Variants in MAPKAPK5 observed in about 807,000 individuals in gnomAD.
MAPKAPK5 encodes MAPK activated protein kinase 5, also known as MAP kinase-activated protein kinase 5.
A neutral mutation model predicts 65.1 loss-of-function variants in MAPKAPK5; 30 were observed. The ratio of observed to expected loss-of-function variants is 0.46; its 90% CI spans 0.34 to 0.63. The LOEUF (loss-of-function observed/expected upper bound fraction) is 0.63, where lower values mean the gene tolerates loss of function less well. Among genes scored for constraint, MAPKAPK5 ranks in the 20% least tolerant of loss-of-function variants. The probability of loss-of-function intolerance (pLI) is 0.01; values close to 1 mark genes in which losing one functional copy is unlikely to be tolerated. For missense variants in MAPKAPK5, 433 were observed against 581.4 expected (o/e 0.74, Z 2.63); for synonymous variants, 179 against 204.6 (o/e 0.87, Z 1.07).
chr12:111,890,180 C>T, intron 13 of MAPKAPK5, 36 bp downstream of exon 13: 2 of 1,402,986 alleles, frequency 1.4e-6, no homozygotes, highest in East Asian at 2.4e-5. Flanking sequence ...CCCAGGAATG[C>T]AGACAAGTGA....
chr12:111,868,935 A>G, intron 5 of MAPKAPK5, 74 bp downstream of exon 5: 1 of 1,127,418 alleles, frequency 8.9e-7, no homozygotes, highest in South Asian at 1.4e-5. Context: ...GGGGGGAAGA[A>G]AAGAAAACTT....
chr12:111,869,909 T>A (rs1181740477), intron 5 of MAPKAPK5, among the ~76,000 whole-genome samples: 1 of 152,234 alleles, frequency 6.6e-6, no homozygotes, highest in African/African-American at 2.4e-5. Flanking sequence ...GAACTGCGCC[T>A]GCTGACCATT....
intron 1 of MAPKAPK5, among the ~76,000 whole-genome samples, chr12:111,855,551 A>G (rs1196505422): frequency 6.6e-6 from 1 of 152,124 alleles, no homozygotes; most frequent in Non-Finnish European, 1.5e-5. Flanking sequence ...TGTTTAGGCC[A>G]GGTGCAGTGG....
intron 13 of MAPKAPK5, 34 bp from the exon 14 acceptor site, chr12:111,892,933 T>C (rs1301192588): frequency 2.0e-6 from 3 of 1,491,258 alleles, no homozygotes; most frequent in South Asian, 2.5e-5. Flanking sequence ...CTCAAAGAAT[T>C]TGAGGACTGA....
intron 8 of MAPKAPK5, among the ~76,000 whole-genome samples, chr12:111,882,107 G>A (rs969182190): frequency 6.6e-6 from 1 of 152,148 alleles, no homozygotes; most frequent in African/African-American, 2.4e-5. Context: ...CAGGCCTGGC[G>A]CAGTGGCTCA....
intron 7 of MAPKAPK5, among the ~76,000 whole-genome samples, chr12:111,878,817 A>G (rs1448927227): frequency 2.0e-5 from 3 of 152,212 alleles, no homozygotes; most frequent in Non-Finnish European, 2.9e-5. Flanking sequence ...GTCAAAAATC[A>G]TGGAGCATAT....
chr12:111,853,988 TG>T (rs1179056395), intron 1 of MAPKAPK5, among the ~76,000 whole-genome samples: 4 of 152,236 alleles, frequency 2.6e-5, no homozygotes, highest in Non-Finnish European at 1.5e-5. Context: ...CTTGCATTCC[TG>T]GTATAAACCC....
At chr12:111,863,963 A>G (rs539382152) in intron 1 of MAPKAPK5, among the ~76,000 whole-genome samples, 24 of 152,264 alleles carry the variant, frequency 1.6e-4, no homozygotes, top group African/African-American at 5.8e-4. Flanking sequence ...GAAGCCTGCA[A>G]AAATGAATTT....
intron 5 of MAPKAPK5, among the ~76,000 whole-genome samples, chr12:111,869,947 G>T (rs2069730174): frequency 6.6e-6 from 1 of 152,166 alleles, no homozygotes; most frequent in Non-Finnish European, 1.5e-5. Context: ...CTTCTGCAGT[G>T]TCTGTCATAC....
At chr12:111,880,180 G>T in intron 7 of MAPKAPK5, 2 of 468,580 alleles carry the variant, frequency 4.3e-6, no homozygotes, top group South Asian at 2.2e-5. Flanking sequence ...AGTGATCTCA[G>T]ATTCCTTGAT....
rs1481946575 is a variant in MAPKAPK5 at position 111,901,386 on chromosome 12, A to G, written c.*8325A>G. The stretch of plus-strand genomic sequence containing the variant: ...TAGTGTGGACAGTGGCCCTCCTGGT[A>G]AGCTAGGTGGGACACCTTCAGGAGA... On this transcript the variant is annotated 3_prime_UTR_variant, in exon 14 of 14. Coordinates refer to ENST00000550735, the MANE Select transcript of MAPKAPK5 (RefSeq NM_003668.4). 1 of 456,094 alleles carries G rather than the reference A, an allele frequency of 2.2e-6. No homozygotes were observed. Among genetic ancestry groups the G allele is most frequent in the Middle Eastern group, 3.3e-4 (1 of 3,070 alleles). 28.3% of individuals were successfully genotyped at this position (456,094 alleles called of 1,614,324 possible).
chr12:111,878,610 G>A (rs1389554659), intron 7 of MAPKAPK5, among the ~76,000 whole-genome samples: 1 of 151,762 alleles, frequency 6.6e-6, no homozygotes, highest in African/African-American at 2.4e-5. Context: ...TAGTAGAGAC[G>A]GGGTTTCACC....
At chr12:111,872,387 T>C (rs2069813000) in intron 7 of MAPKAPK5, among the ~76,000 whole-genome samples, 1 of 152,210 alleles carries the variant, frequency 6.6e-6, no homozygotes, top group Non-Finnish European at 1.5e-5. Flanking sequence ...GAGCACTTTT[T>C]GTACATGTGT....
At chr12:111,868,356 G>A (rs559132193) in intron 4 of MAPKAPK5, among the ~76,000 whole-genome samples, 1 of 152,300 alleles carries the variant, frequency 6.6e-6, no homozygotes, top group South Asian at 2.1e-4. Context: ...AGTCTGGGAG[G>A]AGAGGTGTCT....
At position 111,883,925 on chromosome 12, in the gene MAPKAPK5, AG is replaced by A. The variant is rs1273107014; in HGVS notation, c.848+158del. Reference sequence around the variant, plus strand: ...TCTGGAGCCTGAGGTGACTGTTCTCAGTGTCCACACCTTGGTGCGAATGAAG... The same window carrying A: ...TCTGGAGCCTGAGGTGACTGTTCTCATGTCCACACCTTGGTGCGAATGAAG... On this transcript the variant is annotated intron_variant, in intron 9 of 13. Transcript: ENST00000550735. The surrounding 1 kb of genome is among the most constrained non-coding windows in gnomAD (Gnocchi z 4.8). Among the ~76,000 whole-genome samples, 1 of 152,186 alleles carries A rather than the reference AG, an allele frequency of 6.6e-6. No homozygotes were observed. Among genetic ancestry groups the A allele is most frequent in the Non-Finnish European group, 1.5e-5 (1 of 68,034 alleles).
In MAPKAPK5 at chr12:111,900,201, C is replaced by G. The variant is rs1386925259; in HGVS notation, c.*7140C>G. On this transcript the variant is annotated 3_prime_UTR_variant, in exon 14 of 14. Transcript: ENST00000550735. ...TCACTGGAGACAAGAGATGCTCTTC[C>G]ATCGTGCAAAACACGATGTTGCCCA... The G allele has an allele frequency of 2.2e-6, 1 of 456,024 alleles. No individual in the cohort carries two copies. The highest frequency in any genetic ancestry group is 4.4e-6 in the Non-Finnish European group (1 of 226,780). The allele number at this position is 456,024 out of a possible 1,614,324, so 28.2% of individuals were successfully genotyped here. A position where few individuals can be genotyped will look rare whatever the true frequency, so the allele number is the denominator to read the frequency against.
intron 10 of MAPKAPK5, among the ~76,000 whole-genome samples, chr12:111,887,234 C>T (rs759746872): frequency 1.7e-4 from 26 of 152,258 alleles, no homozygotes; most frequent in Non-Finnish European, 3.5e-4. Context: ...AAAAGGAGAA[C>T]TGGAAAGTAC....
At chr12:111,850,961 C>T (rs955276563) in intron 1 of MAPKAPK5, among the ~76,000 whole-genome samples, 4 of 149,642 alleles carry the variant, frequency 2.7e-5, no homozygotes, top group African/African-American at 4.9e-5. Flanking sequence ...TGCAGTGGCA[C>T]GATCGCGGCT....
intron 3 of MAPKAPK5, among the ~76,000 whole-genome samples, chr12:111,867,107 A>AT (rs1426030905): frequency 2.0e-5 from 3 of 150,950 alleles, no homozygotes; most frequent in Non-Finnish European, 4.4e-5. Context: ...TTTTGTTTGT[A>AT]TTTTTTGTAG....
Sources: allele counts gnomAD v4.1 joint callset (sites outside exome capture counted in the v4.1 genomes callset), GRCh38; gene constraint gnomAD v4.1.1; non-coding constraint Gnocchi (gnomAD v3.1); transcripts MANE v1.5; gene names NCBI Gene and HGNC (gene_info 2026-07-23, HGNC 2026-07-21).